CRADD: variants seen among roughly 807,000 people sequenced by gnomAD.
CRADD encodes the protein death domain-containing protein CRADD.
A neutral mutation model predicts 15.5 loss-of-function variants in CRADD; 9 were observed. That is an observed-to-expected ratio of 0.58 (90% confidence interval 0.35 to 1.01). CRADD has a LOEUF of 1.01. Among genes scored for constraint, CRADD ranks in the 50% least tolerant of loss-of-function variants. The pLI is 0.02. For synonymous variants in CRADD, 118 were observed against 107.6 expected (o/e 1.10, Z -0.60); for missense variants, 227 against 250.3 (o/e 0.91, Z 0.63).
chr12:93,795,437 G>A (rs965789257), intron 2 of CRADD, among the ~76,000 whole-genome samples: 2 of 152,080 alleles, frequency 1.3e-5, no homozygotes, highest in African/African-American at 4.8e-5. Context: ...TTCTATCCTG[G>A]GCACCATCCG....
At chr12:93,872,945 A>T (rs879534328) in intron 2 of CRADD, among the ~76,000 whole-genome samples, 2 of 152,114 alleles carry the variant, frequency 1.3e-5, no homozygotes, top group Non-Finnish European at 2.9e-5. Flanking sequence ...TCTGTGAAGA[A>T]TATCATTGGT....
At chr12:93,684,532 AC>A (rs1224587903) in intron 2 of CRADD, among the ~76,000 whole-genome samples, 1 of 152,020 alleles carries the variant, frequency 6.6e-6, no homozygotes, top group African/African-American at 2.4e-5. Flanking sequence ...GGAGTTGGGG[AC>A]CCCTGTGCAA....
At chr12:93,860,744 T>C (rs1298663433) in intron 2 of CRADD, among the ~76,000 whole-genome samples, 1 of 152,170 alleles carries the variant, frequency 6.6e-6, no homozygotes, top group African/African-American at 2.4e-5. Context: ...TTCAGCACCT[T>C]TGGTTGCTAC....
Position 93,783,393 on chromosome 12 carries a change from T to A in CRADD, c.299-66577T>A, listed in dbSNP as rs187763067. Among the ~76,000 whole-genome samples, 466 of 151,636 alleles carry A rather than the reference T, an allele frequency of 3.1e-3. 4 individuals carry two copies. Among genetic ancestry groups the A allele is most frequent in the Middle Eastern group, 0.027 (8 of 294 alleles). ...ATTTTATGCTGGCTCCCAGGAGTAG[T>A]CCTCTGATTTTATAATTTTTAAGTT... On this transcript the variant is annotated intron_variant, in intron 2 of 2. Coordinates refer to ENST00000332896, the MANE Select transcript of CRADD (RefSeq NM_003805.5).
intron 2 of CRADD, among the ~76,000 whole-genome samples, chr12:93,740,620 T>G (rs912765190): frequency 2.0e-5 from 3 of 152,218 alleles, no homozygotes; most frequent in Admixed American, 1.3e-4. Flanking sequence ...GCCATATTCT[T>G]AACATCAATG....
intron 2 of CRADD, among the ~76,000 whole-genome samples, chr12:93,816,383 A>ATTTTTTTTTTTTTTTTTTTTTTTTTTT (rs61294048): frequency 8.2e-6 from 1 of 122,112 alleles, no homozygotes. Flanking sequence ...TGCCTGGCTA[A>ATTTTTTTTTTTTTTTTTTTTTTTTTTT]TTTTTTTTTT....
chr12:93,713,858 A>T (rs1042080030), intron 2 of CRADD, among the ~76,000 whole-genome samples: 1 of 152,202 alleles, frequency 6.6e-6, no homozygotes, highest in African/African-American at 2.4e-5. Context: ...AATTAATTTC[A>T]TCTGGCTTTT....
intron 2 of CRADD, among the ~76,000 whole-genome samples, chr12:93,703,978 C>CTTTTTTTTT (rs71071759): frequency 8.9e-5 from 8 of 90,276 alleles, no homozygotes; most frequent in Admixed American, 1.4e-4. Flanking sequence ...TGGAGCCTTT[C>CTTTTTTTTT]TTTTTTTTTT....
At chr12:93,830,602 A>G (rs2137029267) in intron 2 of CRADD, among the ~76,000 whole-genome samples, 1 of 152,328 alleles carries the variant, frequency 6.6e-6, no homozygotes. Flanking sequence ...AGCCTATGTT[A>G]TTTCTGCAGT....
chr12:93,865,296 T>G (rs527577683), intron 2 of CRADD, among the ~76,000 whole-genome samples: 32 of 152,340 alleles, frequency 2.1e-4, no homozygotes, highest in Admixed American at 1.2e-3. Context: ...GGTACAGTCC[T>G]CCCTTGGTAT....
intron 2 of CRADD, among the ~76,000 whole-genome samples, chr12:93,810,746 C>T (rs1037994935): frequency 6.6e-5 from 10 of 152,090 alleles, no homozygotes; most frequent in Admixed American, 3.9e-4. Flanking sequence ...GCCTCAAGCC[C>T]AGCCCCAACA....
chr12:93,721,885 T>A (rs909579819), intron 2 of CRADD, among the ~76,000 whole-genome samples: 14 of 152,176 alleles, frequency 9.2e-5, no homozygotes, highest in African/African-American at 3.4e-4. Context: ...TTAGATCAAT[T>A]AAAAAAATAA....
At chr12:93,843,545 A>C (rs1412342411) in intron 2 of CRADD, among the ~76,000 whole-genome samples, 1 of 151,068 alleles carries the variant, frequency 6.6e-6, no homozygotes, top group Non-Finnish European at 1.5e-5. Flanking sequence ...AAGCCCAGCT[A>C]ATTTTTGTAT....
intron 2 of CRADD, chr12:93,815,364 C>T (rs998290778): frequency 2.0e-5 from 3 of 152,198 alleles, no homozygotes; most frequent in Admixed American, 6.5e-5. Context: ...ACACCTATAT[C>T]TGTCTGCATT....
At chr12:93,776,053 C>T (rs1365544577) in intron 2 of CRADD, among the ~76,000 whole-genome samples, 1 of 152,126 alleles carries the variant, frequency 6.6e-6, no homozygotes, top group African/African-American at 2.4e-5. Flanking sequence ...TATGGACATT[C>T]AAGCACACAC....
chr12:93,886,055 G>A (rs1255103017), intron 2 of CRADD, among the ~76,000 whole-genome samples: 1 of 151,756 alleles, frequency 6.6e-6, no homozygotes, highest in Non-Finnish European at 1.5e-5. Flanking sequence ...AATAAAATAA[G>A]GATCTCTGTA....
At chr12:93,738,052 C>T (rs1956606324) in intron 2 of CRADD, 2 of 451,992 alleles carry the variant, frequency 4.4e-6, no homozygotes, top group East Asian at 3.4e-5. Context: ...GTTTCATAAA[C>T]AGGTCCCTTT....
intron 2 of CRADD, among the ~76,000 whole-genome samples, chr12:93,821,984 G>A (rs906950477): frequency 6.6e-6 from 1 of 152,060 alleles, no homozygotes; most frequent in East Asian, 1.9e-4. Context: ...CAGGTGTGGT[G>A]GTGGGCGCCT....
intron 2 of CRADD, among the ~76,000 whole-genome samples, chr12:93,813,573 T>C (rs1957653099): frequency 6.6e-6 from 1 of 152,240 alleles, no homozygotes; most frequent in Non-Finnish European, 1.5e-5. Context: ...CATTTGTTTC[T>C]TCTGTCCCAC....
Sources: gnomAD v4.1 joint callset for allele counts (sites outside exome capture counted in the v4.1 genomes callset) on GRCh38, gnomAD v4.1.1 for gene constraint, MANE v1.5 for transcripts, NCBI Gene and HGNC (gene_info 2026-07-23, HGNC 2026-07-21) for gene names.